The following SYNJ2 variants were observed in gnomAD, a reference collection of about 807,000 sequenced individuals.
The protein encoded by SYNJ2 is polyphosphatidylinositol phosphatase SYNJ2.
A neutral mutation model predicts 141.3 loss-of-function variants in SYNJ2; 116 were observed. That is an observed-to-expected ratio of 0.82 (90% confidence interval 0.71 to 0.96). The LOEUF is 0.96. Ranked by LOEUF, SYNJ2 falls within the 40% of genes least tolerant of loss-of-function variation. SYNJ2 has a pLI of 0.00. For synonymous variants in SYNJ2, 745 were observed against 777.7 expected, an observed-to-expected ratio of 0.96 and a Z score of 0.70; for missense variants, 1,873 against 1,934.8, an observed-to-expected ratio of 0.97 and a Z score of 0.60.
At chr6:158,033,298 C>T (rs1167213741) in intron 3 of SYNJ2, among the ~76,000 whole-genome samples, 157 bp from the exon 4 acceptor site, 2 of 152,234 alleles carry the variant, frequency 1.3e-5, no homozygotes, top group Non-Finnish European at 2.9e-5. Flanking sequence ...CAGATCTGTA[C>T]AGCCCAAGTG....
At chr6:158,091,972 CT>C (rs1298272959) in intron 25 of SYNJ2, among the ~76,000 whole-genome samples, 3 of 151,940 alleles carry the variant, frequency 2.0e-5, no homozygotes, top group African/African-American at 7.3e-5. Context: ...TGTGGGGCTT[CT>C]TTTTTGTGTG....
Position 158,064,769 on chromosome 6 carries a change from G to C in SYNJ2, c.1359+19G>C, listed in dbSNP as rs1037448712. 2 of 1,612,498 alleles carry C rather than the reference G, an allele frequency of 1.2e-6. No homozygotes were observed. Among genetic ancestry groups the C allele is most frequent in the African/African-American group, 2.7e-5 (2 of 74,920 alleles). On this transcript the variant is annotated intron_variant, in intron 10 of 26. Transcript: ENST00000355585. ...GGCCAAGGTAGGGCCCCGCCGAGGGGGCAGGGTGGGGGCCCCAGGGACCCC... is the reference window on the plus strand; with the variant it reads ...GGCCAAGGTAGGGCCCCGCCGAGGGCGCAGGGTGGGGGCCCCAGGGACCCC...
chr6:158,008,695 G>GTC (rs1778158752), intron 1 of SYNJ2, among the ~76,000 whole-genome samples: 1 of 152,216 alleles, frequency 6.6e-6, no homozygotes, highest in Non-Finnish European at 1.5e-5. Flanking sequence ...GTGTGTATGT[G>GTC]TGTCTGTCTG....
At chr6:158,088,097 C>A (rs932664067) in intron 23 of SYNJ2, among the ~76,000 whole-genome samples, 7 of 109,232 alleles carry the variant, frequency 6.4e-5, no homozygotes, top group African/African-American at 2.2e-4. Context: ...CTCATTCTGT[C>A]CCCCGGGCTG....
At chr6:158,083,974 G>T (rs752914320) in intron 21 of SYNJ2, 27 bp from the exon 22 acceptor site, 1 of 1,613,106 alleles carries the variant, frequency 6.2e-7, no homozygotes, top group Non-Finnish European at 8.5e-7. Flanking sequence ...GTTTTCACCC[G>T]AATTGTGATT....
In SYNJ2 at chr6:158,076,622, A is replaced by G. The variant is rs746522878; in HGVS notation, c.2293-4A>G. ...GGCCTGATGACTTCTTTTTCTCCCA[A>G]TAGATTTTTAAGGACTTTCACGAAG... On this transcript the variant is annotated splice_region_variant and splice_polypyrimidine_tract_variant and intron_variant, in intron 16 of 26. Transcript: ENST00000355585. 5 of 1,610,010 alleles carry G rather than the reference A, an allele frequency of 3.1e-6. No individual in the cohort carries two copies. Among genetic ancestry groups the G allele is most frequent in the African/African-American group, 2.7e-5 (2 of 74,664 alleles).
Position 158,068,836 on chromosome 6 carries a change from T to A in SYNJ2, c.1799+108T>A, listed in dbSNP as rs1244319870. ...GGAGCCAGCCTGCTTCTGAGCCAGC[T>A]AAGCTGTGGCCCTGGCTGTGTGGGG... On this transcript the variant is annotated intron_variant, in intron 13 of 26. Coordinates refer to ENST00000355585, the MANE Select transcript of SYNJ2 (RefSeq NM_003898.4). The A allele has an allele frequency of 5.0e-6, 6 of 1,196,726 alleles. No individual in the cohort carries two copies. In the Admixed American group the frequency reaches 1.1e-4, roughly 22 times the overall value. 74.1% of individuals were successfully genotyped at this position (1,196,726 alleles called of 1,614,324 possible).
intron 3 of SYNJ2, chr6:158,029,253 G>T: frequency 2.0e-6 from 1 of 511,260 alleles, no homozygotes; most frequent in South Asian, 3.2e-5. Flanking sequence ...GTGTAGATTT[G>T]GAAAAGAAAC....
intron 1 of SYNJ2, among the ~76,000 whole-genome samples, chr6:157,985,468 G>A (rs1777165208): frequency 6.6e-6 from 1 of 152,198 alleles, no homozygotes; most frequent in Non-Finnish European, 1.5e-5. Context: ...TGAAGTCTCG[G>A]GAACCTGACT....
rs1053291207 is a variant in SYNJ2, at chr6:158,066,787, A to G, written c.1717+152A>G. On this transcript the variant is annotated intron_variant, in intron 12 of 26. Transcript: ENST00000355585. Reference sequence around the variant, plus strand: ...AAATAGCACCATGGCCTGACTCTCAAGAATGCTGCCTCGCAAGTAACTGAC... The same window carrying G: ...AAATAGCACCATGGCCTGACTCTCAGGAATGCTGCCTCGCAAGTAACTGAC... 6 of 882,732 alleles carry G rather than the reference A, an allele frequency of 6.8e-6. No individual in the cohort carries two copies. In the Admixed American group the frequency reaches 9.4e-5, roughly 14 times the overall value. The allele number at this position is 882,732 out of a possible 1,614,324, so 54.7% of individuals were successfully genotyped here. A position where few individuals can be genotyped will look rare whatever the true frequency, so the allele number is the denominator to read the frequency against.
chr6:158,012,110 G>A (rs1778290125), intron 1 of SYNJ2, among the ~76,000 whole-genome samples: 1 of 152,150 alleles, frequency 6.6e-6, no homozygotes, highest in Non-Finnish European at 1.5e-5. Context: ...CCCTGTAGGT[G>A]CATGACAGAG....
At chr6:158,082,354 GCA>G (rs1782748119) in intron 20 of SYNJ2, among the ~76,000 whole-genome samples, 1 of 151,770 alleles carries the variant, frequency 6.6e-6, no homozygotes, top group Non-Finnish European at 1.5e-5. Flanking sequence ...AGGCATAGTG[GCA>G]GGTGCCTGTA....
intron 25 of SYNJ2, among the ~76,000 whole-genome samples, chr6:158,091,566 G>A (rs1583521240): frequency 6.6e-6 from 1 of 151,700 alleles, no homozygotes; most frequent in Non-Finnish European, 1.5e-5. Flanking sequence ...GGCTAACACA[G>A]TGAAACTCCA....
intron 20 of SYNJ2, among the ~76,000 whole-genome samples, chr6:158,083,216 A>T (rs1412010898): frequency 1.3e-5 from 2 of 152,044 alleles, no homozygotes; most frequent in African/African-American, 4.8e-5. Context: ...TACAGGTGTG[A>T]GCCACCGCAC....
At chr6:158,079,714 C>G (rs552816415) in intron 18 of SYNJ2, among the ~76,000 whole-genome samples, 1 of 152,246 alleles carries the variant, frequency 6.6e-6, no homozygotes, top group South Asian at 2.1e-4. Context: ...AAATACATAC[C>G]TAGAAGTGAA....
chr6:158,087,359 A>G (rs1335486530), intron 23 of SYNJ2, among the ~76,000 whole-genome samples: 1 of 152,150 alleles, frequency 6.6e-6, no homozygotes, highest in Middle Eastern at 3.2e-3. Flanking sequence ...CCCTCTACTT[A>G]TGAGGAATCT....
chr6:158,042,411 A>G (rs1248391486), intron 4 of SYNJ2, among the ~76,000 whole-genome samples: 1 of 152,208 alleles, frequency 6.6e-6, no homozygotes, highest in Non-Finnish European at 1.5e-5. Flanking sequence ...TCTCGCCTGC[A>G]TGGGAAGCTG....
chr6:158,014,762 G>C (rs1327562642), intron 1 of SYNJ2, among the ~76,000 whole-genome samples: 29 of 152,258 alleles, frequency 1.9e-4, no homozygotes, highest in Admixed American at 1.9e-3. Context: ...CCTGCCTTCT[G>C]TCCTCCTGTG....
In SYNJ2 at chr6:158,071,751, A is replaced by G; in HGVS notation, c.2090A>G (p.Asn697Ser). 2 of 1,613,940 alleles carry G rather than the reference A, an allele frequency of 1.2e-6. No individual in the cohort carries two copies. The highest frequency in any genetic ancestry group is 1.1e-5 in the South Asian group (1 of 91,084). The change falls in exon 15 of 27, where the codon AAT (asparagine) becomes AGT (serine). Residue 697 changes from asparagine to serine, a missense_variant. Transcript: ENST00000355585. This position sits in a 1 kb window ranked among gnomAD's most constrained non-coding sequence, Gnocchi z 4.3. ...TAGQSQVKER[N>S]EDYKEITQKL... ...GGGCAGTCCCAGGTGAAGGAGCGGA[A>G]TGAAGACTACAAGGAGATCACCCAG...
Sources: allele counts gnomAD v4.1 joint callset (sites outside exome capture counted in the v4.1 genomes callset), GRCh38; gene constraint gnomAD v4.1.1; non-coding constraint Gnocchi (gnomAD v3.1); transcripts MANE v1.5; gene names NCBI Gene and HGNC (gene_info 2026-07-23, HGNC 2026-07-21).